BRF1: variants seen among roughly 807,000 people sequenced by gnomAD.
The protein encoded by BRF1 is transcription factor IIIB 90 kDa subunit.
Under a neutral mutation model 81.7 loss-of-function variants are expected in BRF1, and 59 were observed. The ratio of observed to expected loss-of-function variants is 0.72; its 90% CI spans 0.59 to 0.90. The LOEUF (loss-of-function observed/expected upper bound fraction) is 0.90, where lower values mean the gene tolerates loss of function less well. Ranked by LOEUF, BRF1 falls within the 40% of genes least tolerant of loss-of-function variation. The pLI, the probability that BRF1 is intolerant of heterozygous loss-of-function variation, is 0.00. For missense variants in BRF1, 1,050 were observed against 936.3 expected, an observed-to-expected ratio of 1.12 and a Z score of -1.58; for synonymous variants, 491 against 395.6, an observed-to-expected ratio of 1.24 and a Z score of -2.86.
chr14:105,211,700 T>A, intron 16 of BRF1: 3 of 339,410 alleles, frequency 8.8e-6, no homozygotes, highest in Non-Finnish European at 1.1e-5. Flanking sequence ...CCCCGCCACC[T>A]GCCAGCACCT....
chr14:105,215,391 CA>C (rs1890954337), intron 15 of BRF1, among the ~76,000 whole-genome samples: 1 of 151,656 alleles, frequency 6.6e-6, no homozygotes, highest in Non-Finnish European at 1.5e-5. Context: ...CCTGCATTTG[CA>C]CACAAAAACT....
chr14:105,212,303 G>A (rs1890245695), intron 15 of BRF1, 139 bp from the exon 16 acceptor site: 7 of 1,124,222 alleles, frequency 6.2e-6, no homozygotes, highest in Non-Finnish European at 8.8e-6. Flanking sequence ...TCTGCGTCCA[G>A]GTTCTGTGTG....
chr14:105,285,677 T>C (rs1472486146), intron 2 of BRF1, among the ~76,000 whole-genome samples: 4 of 152,130 alleles, frequency 2.6e-5, no homozygotes, highest in Admixed American at 2.0e-4. Flanking sequence ...TATCAGAATT[T>C]AAAACTTTCA....
intron 9 of BRF1, 35 bp downstream of exon 9, chr14:105,226,216 A>G (rs1445647274): frequency 6.2e-7 from 1 of 1,613,934 alleles, no homozygotes; most frequent in Non-Finnish European, 8.5e-7. Flanking sequence ...TTCCCAACAA[A>G]ACAGAAGCAT....
intron 15 of BRF1, among the ~76,000 whole-genome samples, chr14:105,216,992 A>C (rs944081686): frequency 6.6e-6 from 1 of 152,178 alleles, no homozygotes; most frequent in African/African-American, 2.4e-5. Flanking sequence ...ACCCAGCGGC[A>C]AGCTGTGCAC....
At chr14:105,222,702 C>T (rs1229202354) in intron 10 of BRF1, among the ~76,000 whole-genome samples, 1 of 151,892 alleles carries the variant, frequency 6.6e-6, no homozygotes, top group Non-Finnish European at 1.5e-5. Context: ...GATCTCGGCT[C>T]ACTGCAAGCT....
At chr14:105,240,901 A>G (rs1161742874) in intron 6 of BRF1, among the ~76,000 whole-genome samples, 1 of 151,390 alleles carries the variant, frequency 6.6e-6, no homozygotes, top group Non-Finnish European at 1.5e-5. Context: ...CCTCAGGAGC[A>G]ACAACCTAGC....
intron 5 of BRF1, chr14:105,249,154 C>G: frequency 6.4e-7 from 1 of 1,571,906 alleles, no homozygotes; most frequent in Non-Finnish European, 8.6e-7. Flanking sequence ...TCTACCTTTG[C>G]AGGAACGCGC....
At position 105,249,238 on chromosome 14, in the gene BRF1, C is replaced by T. The variant is rs587701705; in HGVS notation, c.544+3269G>A. ...CCCCGGGGGCGACCAGGACGGTGCC[C>T]GCCCACAAGGTGGGTAGCGGCGGCC... is the stretch of plus-strand genomic sequence containing the variant. On this transcript the variant is annotated intron_variant, in intron 5 of 17. Transcript: ENST00000547530. 74 of 1,580,970 alleles carry T rather than the reference C, an allele frequency of 4.7e-5. No homozygotes were observed. In the East Asian group the frequency reaches 1.6e-3, roughly 34 times the overall value.
Position 105,209,441 on chromosome 14 carries a change from GC to G in BRF1, c.*1109del, listed in dbSNP as rs1889830216. On this transcript the variant is annotated 3_prime_UTR_variant, in exon 18 of 18. Coordinates refer to ENST00000547530, the MANE Select transcript of BRF1 (RefSeq NM_001519.4). ...GGGCCAAGTTGGGGCAGGACATACA[GC>G]CCATTCCATGGGGAGGATGAGGCCC... The G allele has an allele frequency of 2.9e-6, 2 of 695,008 alleles. No homozygotes were observed. The highest frequency in any genetic ancestry group is 5.2e-6 in the Non-Finnish European group (2 of 381,776). The allele number at this position is 695,008 out of a possible 1,614,324, so 43.1% of individuals were successfully genotyped here. A position where few individuals can be genotyped will look rare whatever the true frequency, so the allele number is the denominator to read the frequency against.
At chr14:105,308,413 CAG>C (rs1414308229) in intron 1 of BRF1, among the ~76,000 whole-genome samples, 3 of 151,298 alleles carry the variant, frequency 2.0e-5, no homozygotes, top group African/African-American at 7.3e-5. Context: ...GCCCAGGAGA[CAG>C]AAGTTGCAGT....
intron 16 of BRF1, chr14:105,211,710 T>A: frequency 2.9e-6 from 1 of 341,152 alleles, no homozygotes; most frequent in Non-Finnish European, 5.4e-6. Context: ...TGCCAGCACC[T>A]TCACCCTCGT....
intron 1 of BRF1, among the ~76,000 whole-genome samples, chr14:105,298,365 G>A (rs2057826214): frequency 6.6e-6 from 1 of 152,192 alleles, no homozygotes; most frequent in Admixed American, 6.5e-5. Flanking sequence ...GTGTGATGCT[G>A]ACAAAGGAAA....
chr14:105,220,382 T>C (rs1044730147), intron 11 of BRF1, among the ~76,000 whole-genome samples: 1 of 152,200 alleles, frequency 6.6e-6, no homozygotes, highest in African/African-American at 2.4e-5. Context: ...AGCACTTCTG[T>C]GCTTTTTGTA....
chr14:105,246,404 C>T (rs587633373), intron 5 of BRF1, among the ~76,000 whole-genome samples: 6 of 151,404 alleles, frequency 4.0e-5, no homozygotes, highest in African/African-American at 1.2e-4. Flanking sequence ...AGGCTGGGCG[C>T]GGTGGCTCAC....
At chr14:105,219,501 T>C in intron 12 of BRF1, 1 of 634,132 alleles carries the variant, frequency 1.6e-6, no homozygotes, top group South Asian at 2.5e-5. Flanking sequence ...ACCAGGACCC[T>C]GGCCAGCCAG....
In BRF1 at chr14:105,228,688, GC is replaced by G. The variant is rs1022533167; in HGVS notation, c.788+131del. 4.2e-5 allele frequency: 42 copies of G among 994,672 alleles called. 1 individual carries two copies. The African/African-American group carries it at 5.8e-4, about 14-fold the overall frequency. 61.6% of individuals were successfully genotyped at this position (994,672 alleles called of 1,614,324 possible). On this transcript the variant is annotated intron_variant, in intron 7 of 17. Transcript: ENST00000547530. ...CAAGCCATAGTGTGACCGGGGCTGG[GC>G]TAGGTCCTGGCCAGCAGCCAGGCGG...
At chr14:105,270,330 C>T (rs1032665608) in intron 3 of BRF1, among the ~76,000 whole-genome samples, 5 of 151,916 alleles carry the variant, frequency 3.3e-5, no homozygotes, top group Non-Finnish European at 7.4e-5. Flanking sequence ...CCTGCCACCA[C>T]GCCCGGCTAA....
intron 1 of BRF1, among the ~76,000 whole-genome samples, chr14:105,295,953 C>T (rs587633117): frequency 1.3e-5 from 2 of 151,814 alleles, no homozygotes; most frequent in African/African-American, 4.8e-5. Context: ...GTAGTGGGCT[C>T]CTATGTAATC....
Sources: gnomAD v4.1 joint callset for allele counts (sites outside exome capture counted in the v4.1 genomes callset) on GRCh38, gnomAD v4.1.1 for gene constraint, MANE v1.5 for transcripts, NCBI Gene and HGNC (gene_info 2026-07-23, HGNC 2026-07-21) for gene names.